The following ARHGAP42 variants were observed in gnomAD, a reference collection of about 807,000 sequenced individuals.
ARHGAP42 encodes Rho GTPase activating protein 42, also known as rho GTPase-activating protein 42.
In ARHGAP42, 63 loss-of-function variants were observed where a neutral mutation model predicts 125.0. The ratio of observed to expected loss-of-function variants is 0.50; its 90% CI spans 0.41 to 0.62. The LOEUF is 0.62. ARHGAP42 is among the 20% of genes least tolerant of loss of function. The probability of loss-of-function intolerance (pLI) is 0.00; values close to 1 mark genes in which losing one functional copy is unlikely to be tolerated. For synonymous variants in ARHGAP42, 339 were observed against 351.0 expected, an observed-to-expected ratio of 0.97 and a Z score of 0.38; for missense variants, 766 against 1,024.2, an observed-to-expected ratio of 0.75 and a Z score of 3.44.
intron 2 of ARHGAP42, among the ~76,000 whole-genome samples, chr11:100,781,781 T>C (rs1284565016): frequency 1.3e-5 from 2 of 152,236 alleles, no homozygotes; most frequent in African/African-American, 4.8e-5. Context: ...ATGTTGATGT[T>C]ACAACAAACT....
chr11:100,940,091 G>T (rs1867836979), intron 8 of ARHGAP42, among the ~76,000 whole-genome samples: 1 of 151,956 alleles, frequency 6.6e-6, no homozygotes, highest in African/African-American at 2.4e-5. Flanking sequence ...GTCCCCAAAT[G>T]GAATTGCAGT....
rs869272420 is a variant in ARHGAP42 at position 100,794,075 on chromosome 11, C to CAAAAAAAAAAAAAAAAA, written c.251-1009_251-993dup. ...CGAACAACAGAGCTAGACCCTGTCT[C>CAAAAAAAAAAAAAAAAA]AAAAAAAAAAAAAAAAAAAAAAAAA... On this transcript the variant is annotated intron_variant, in intron 2 of 23. Coordinates refer to ENST00000298815, the MANE Select transcript of ARHGAP42 (RefSeq NM_152432.4). Among the ~76,000 whole-genome samples, 2 of 44,842 alleles carry CAAAAAAAAAAAAAAAAA rather than the reference C, an allele frequency of 4.5e-5. 1 individual carries two copies. The highest frequency in any genetic ancestry group is 1.4e-4 in the African/African-American group (2 of 14,292). 29.4% of individuals were successfully genotyped at this position (44,842 alleles called of 152,430 possible).
intron 4 of ARHGAP42, among the ~76,000 whole-genome samples, chr11:100,886,755 G>A (rs564168550): frequency 6.6e-6 from 1 of 152,152 alleles, no homozygotes; most frequent in African/African-American, 2.4e-5. Flanking sequence ...TTAACAATAA[G>A]ACTGTAAATG....
At chr11:100,909,609 C>T (rs1286967597) in intron 4 of ARHGAP42, among the ~76,000 whole-genome samples, 2 of 152,116 alleles carry the variant, frequency 1.3e-5, no homozygotes, top group Non-Finnish European at 2.9e-5. Context: ...GCTGGGATTA[C>T]AGGCATGAGC....
chr11:100,913,896 C>T (rs1397929003), intron 5 of ARHGAP42, among the ~76,000 whole-genome samples: 1 of 152,034 alleles, frequency 6.6e-6, no homozygotes, highest in African/African-American at 2.4e-5. Context: ...CTTGCTTCAG[C>T]GTTGTGGGAA....
chr11:100,692,560 C>T (rs982752885), intron 1 of ARHGAP42, among the ~76,000 whole-genome samples: 8 of 152,102 alleles, frequency 5.3e-5, no homozygotes, highest in Admixed American at 1.3e-4. Flanking sequence ...GAAGGCCTTC[C>T]TTCCATCAGA....
At chr11:100,791,165 A>G (rs966246020) in intron 2 of ARHGAP42, among the ~76,000 whole-genome samples, 6 of 152,288 alleles carry the variant, frequency 3.9e-5, no homozygotes, top group Admixed American at 2.6e-4. Flanking sequence ...CCTGTGTACC[A>G]GAAGTTCTAA....
chr11:100,816,090 T>G (rs565693411), intron 3 of ARHGAP42, among the ~76,000 whole-genome samples: 2 of 152,332 alleles, frequency 1.3e-5, no homozygotes, highest in East Asian at 3.9e-4. Flanking sequence ...TTAACTATTG[T>G]GAATAATGCT....
In ARHGAP42 at chr11:100,948,495, A is replaced by G. The variant is rs1465585645; in HGVS notation, c.1082A>G (p.Asn361Ser). 4.5e-6 allele frequency: 7 copies of G among 1,550,132 alleles called. No individual in the cohort carries two copies. The East Asian group carries it at 1.5e-4, about 32-fold the overall frequency. ...ACGTTACAGGCCTTCTCAGAAGCTA[A>G]TAGGAAACTCTGGCTTGAAGCCATG... ...IITLQAFSEA[N>S]RKLWLEAMDG... The change falls in exon 11 of 24, where the codon AAT (asparagine) becomes AGT (serine). Residue 361 changes from asparagine to serine, a missense_variant. Coordinates refer to ENST00000298815, the MANE Select transcript of ARHGAP42 (RefSeq NM_152432.4).
chr11:100,926,903 G>C (rs1490047439), intron 6 of ARHGAP42, among the ~76,000 whole-genome samples: 1 of 152,158 alleles, frequency 6.6e-6, no homozygotes, highest in Non-Finnish European at 1.5e-5. Context: ...TATACACCTA[G>C]AGTAAGTTTT....
intron 22 of ARHGAP42, among the ~76,000 whole-genome samples, chr11:100,984,243 T>G (rs1858618132): frequency 6.6e-6 from 1 of 152,096 alleles, no homozygotes. Context: ...TGTAAACTTT[T>G]TGTCTTACGC....
At chr11:100,722,612 C>T (rs573978041) in intron 1 of ARHGAP42, among the ~76,000 whole-genome samples, 33 of 152,280 alleles carry the variant, frequency 2.2e-4, no homozygotes, top group Non-Finnish European at 4.4e-4. Flanking sequence ...TAGTCTCGAA[C>T]TCCTGAACTC....
intron 12 of ARHGAP42, among the ~76,000 whole-genome samples, chr11:100,950,357 T>C (rs1177836576): frequency 5.7e-5 from 7 of 123,030 alleles, no homozygotes; most frequent in Non-Finnish European, 1.4e-4. Flanking sequence ...ATAAATACTG[T>C]ATTTATTTAT....
chr11:100,949,521 C>T (rs866664958), intron 11 of ARHGAP42, among the ~76,000 whole-genome samples: 1 of 152,024 alleles, frequency 6.6e-6, no homozygotes, highest in African/African-American at 2.4e-5. Context: ...AGTTTGTTAG[C>T]CCAACAATGT....
intron 7 of ARHGAP42, among the ~76,000 whole-genome samples, chr11:100,935,677 C>CACACACACACAGAG (rs143859109): frequency 3.4e-5 from 5 of 146,712 alleles, no homozygotes; most frequent in African/African-American, 1.3e-4. Flanking sequence ...CACACACACA[C>CACACACACACAGAG]AGAGAGAGAG....
chr11:100,885,926 C>T (rs78246732), intron 4 of ARHGAP42, among the ~76,000 whole-genome samples: 7,960 of 152,220 alleles, frequency 0.052, 379 homozygotes, highest in East Asian at 0.25. Flanking sequence ...AAGAGGTGTA[C>T]TGTTTCCCCG....
At chr11:100,874,738 G>C (rs1014592565) in intron 4 of ARHGAP42, among the ~76,000 whole-genome samples, 2 of 152,094 alleles carry the variant, frequency 1.3e-5, no homozygotes, top group African/African-American at 4.8e-5. Flanking sequence ...CCAGTCTACC[G>C]TATCTTTCCT....
intron 16 of ARHGAP42, among the ~76,000 whole-genome samples, 154 bp downstream of exon 16, chr11:100,962,621 A>T (rs1028605501): frequency 6.6e-6 from 1 of 152,168 alleles, no homozygotes; most frequent in African/African-American, 2.4e-5. Flanking sequence ...TCAAACCTGT[A>T]ATTCCAGCAC....
At position 100,921,231 on chromosome 11, in the gene ARHGAP42, ATATATATATATATATTTTTTTTT is replaced by A. The variant is rs1464644404; in HGVS notation, c.487-261_487-239del. On this transcript the variant is annotated intron_variant, in intron 5 of 23. Transcript: ENST00000298815. Reference sequence around the variant, plus strand: ...TATATATACATATATATATATATATATATATATATATATATTTTTTTTTTTTTTTTTTTTTTTTTTTTACTGCA... The same window carrying A: ...TATATATACATATATATATATATATATTTTTTTTTTTTTTTTTTTACTGCA... 1.7e-3 allele frequency among the ~76,000 whole-genome samples: 80 copies of A among 48,164 alleles called. 1 individual carries two copies. In the East Asian group the frequency reaches 0.034, roughly 20 times the overall value. 31.6% of individuals were successfully genotyped at this position (48,164 alleles called of 152,430 possible).
Sources: gnomAD v4.1 joint callset for allele counts (sites outside exome capture counted in the v4.1 genomes callset) on GRCh38, gnomAD v4.1.1 for gene constraint, MANE v1.5 for transcripts, NCBI Gene and HGNC (gene_info 2026-07-23, HGNC 2026-07-21) for gene names.